HDAC9: variants seen among roughly 807,000 people sequenced by gnomAD.
HDAC9 encodes the protein histone deacetylase 9.
Under a neutral mutation model 139.4 loss-of-function variants are expected in HDAC9, and 41 were observed. That is an observed-to-expected ratio of 0.29 (90% confidence interval 0.23 to 0.38). HDAC9 has a LOEUF of 0.38. HDAC9 is among the 10% of genes least tolerant of loss of function. HDAC9 has a pLI of 1.00. For missense variants in HDAC9, 1,147 were observed against 1,297.0 expected, an observed-to-expected ratio of 0.88 and a Z score of 1.78; for synonymous variants, 517 against 476.2, an observed-to-expected ratio of 1.09 and a Z score of -1.12.
intron 1 of HDAC9, among the ~76,000 whole-genome samples, chr7:18,319,975 G>T (rs17261081): frequency 0.042 from 6,391 of 152,194 alleles, 173 homozygotes; most frequent in Non-Finnish European, 0.064. Flanking sequence ...CCAATTTTCA[G>T]GTCCAAATGT....
rs769801652 is a variant in HDAC9, at chr7:18,954,200, A to G, written c.2992A>G (p.Ile998Val). The change falls in exon 24 of 26, where the codon ATT becomes GTT. Residue 998 changes from isoleucine (I) to valine (V), a missense_variant. Ile to Val is a conservative substitution (Grantham distance 29). This residue lies in a region of HDAC9 where 407 missense variants were observed against 521.5 expected (regional missense o/e 0.78). Transcript: ENST00000686413. Reference sequence around the variant, plus strand: ...CCAAAGCCCGAATATGAATGCTGTTATTTCTTTACAGAAGATCATTGAAAT... The same window carrying G: ...CCAAAGCCCGAATATGAATGCTGTTGTTTCTTTACAGAAGATCATTGAAAT... ...LHQSPNMNAV[I>V]SLQKIIEIQS... 1.3e-6 allele frequency: 2 copies of G among 1,559,142 alleles called. No homozygotes were observed. Among genetic ancestry groups the G allele is most frequent in the South Asian group, 2.3e-5 (2 of 85,718 alleles).
At chr7:18,634,776 C>T (rs1783382813) in intron 8 of HDAC9, 34 bp downstream of exon 8, 1 of 1,323,912 alleles carries the variant, frequency 7.6e-7, no homozygotes, top group Non-Finnish European at 1.1e-6. Flanking sequence ...CTTTTAAAAA[C>T]TGAATTTCTG....
chr7:18,332,549 A>G (rs1446142357), intron 1 of HDAC9, among the ~76,000 whole-genome samples: 1 of 151,630 alleles, frequency 6.6e-6, no homozygotes, highest in Non-Finnish European at 1.5e-5. Flanking sequence ...GAGGGGATGC[A>G]TTGGAAGGGA....
chr7:18,449,286 A>G (rs1651302579), intron 1 of HDAC9, among the ~76,000 whole-genome samples: 2 of 152,184 alleles, frequency 1.3e-5, no homozygotes, highest in South Asian at 4.1e-4. Context: ...ACCATACAGC[A>G]ATGAAAAAGA....
intron 17 of HDAC9, among the ~76,000 whole-genome samples, chr7:18,806,531 C>G (rs1033746317): frequency 3.9e-5 from 6 of 152,148 alleles, no homozygotes; most frequent in African/African-American, 7.2e-5. Flanking sequence ...TTTTTCTAAC[C>G]CTTTCTGTCA....
chr7:18,728,448 AAG>A (rs1785743174), intron 13 of HDAC9, among the ~76,000 whole-genome samples: 1 of 135,364 alleles, frequency 7.4e-6, no homozygotes, highest in African/African-American at 2.7e-5. Context: ...CACACACACA[AAG>A]GGTGCTATTC....
chr7:18,923,830 A>G (rs919314164), intron 22 of HDAC9, among the ~76,000 whole-genome samples: 1 of 152,122 alleles, frequency 6.6e-6, no homozygotes, highest in Non-Finnish European at 1.5e-5. Flanking sequence ...CAAGATAAAA[A>G]CAATGATCCA....
intron 2 of HDAC9, among the ~76,000 whole-genome samples, chr7:18,564,251 AT>A (rs1211673203): frequency 6.6e-6 from 1 of 152,060 alleles, no homozygotes; most frequent in African/African-American, 2.4e-5. Flanking sequence ...AAAAAAAAAA[AT>A]TGTCCATGGC....
intron 1 of HDAC9, among the ~76,000 whole-genome samples, chr7:18,467,309 C>A (rs757059540): frequency 1.3e-5 from 2 of 152,112 alleles, no homozygotes; most frequent in Non-Finnish European, 2.9e-5. Flanking sequence ...CAGTCATTGA[C>A]CTATTAATGC....
chr7:18,817,038 G>GT (rs11308990), intron 17 of HDAC9, among the ~76,000 whole-genome samples: 1,632 of 140,388 alleles, frequency 0.012, 8 homozygotes, highest in Non-Finnish European at 0.013. Flanking sequence ...GAAGTTTTTT[G>GT]TTTTTTTTTT....
intron 1 of HDAC9, among the ~76,000 whole-genome samples, chr7:18,136,806 T>C (rs1384766125): frequency 1.3e-5 from 2 of 151,636 alleles, no homozygotes; most frequent in East Asian, 3.9e-4. Flanking sequence ...TGGTTCCATA[T>C]GAACTTTAAA....
intron 1 of HDAC9, among the ~76,000 whole-genome samples, chr7:18,155,387 C>T (rs994034263): frequency 4.6e-5 from 7 of 152,050 alleles, no homozygotes; most frequent in Non-Finnish European, 8.8e-5. Flanking sequence ...AGGCTTACTA[C>T]GAAAAGGTCT....
intron 21 of HDAC9, among the ~76,000 whole-genome samples, chr7:18,850,727 G>A (rs2129223493): frequency 6.6e-6 from 1 of 152,280 alleles, no homozygotes; most frequent in Non-Finnish European, 1.5e-5. Flanking sequence ...ATCATGGACT[G>A]GATGGCCCAT....
At chr7:18,924,240 A>G (rs891606965) in intron 22 of HDAC9, among the ~76,000 whole-genome samples, 2 of 152,112 alleles carry the variant, frequency 1.3e-5, no homozygotes, top group Admixed American at 1.3e-4. Flanking sequence ...AAGTATTTCT[A>G]TTAAATGGTG....
intron 1 of HDAC9, among the ~76,000 whole-genome samples, chr7:18,409,741 A>C (rs1271148933): frequency 2.0e-5 from 3 of 152,216 alleles, no homozygotes; most frequent in Non-Finnish European, 4.4e-5. Context: ...TAATGAACTA[A>C]ATTTTGGAAA....
intron 2 of HDAC9, among the ~76,000 whole-genome samples, chr7:18,218,712 T>G (rs1367307349): frequency 6.6e-6 from 1 of 152,178 alleles, no homozygotes; most frequent in African/African-American, 2.4e-5. Flanking sequence ...CCATAAACAT[T>G]TCTTATATTA....
chr7:18,163,529 A>G (rs1476059906), intron 2 of HDAC9, among the ~76,000 whole-genome samples: 1 of 152,152 alleles, frequency 6.6e-6, no homozygotes. Context: ...GATTTTTACA[A>G]GTTCCCTTGA....
chr7:18,496,202 G>A, intron 1 of HDAC9, 60 bp from the exon 2 acceptor site: 4 of 1,568,352 alleles, frequency 2.6e-6, no homozygotes, highest in Non-Finnish European at 3.5e-6. Flanking sequence ...TGTAGCTGAA[G>A]TAAGAGTGAC....
chr7:18,644,606 G>A (rs1395484259), intron 8 of HDAC9, 65 bp from the exon 9 acceptor site: 1 of 1,418,172 alleles, frequency 7.1e-7, no homozygotes, highest in African/African-American at 1.4e-5. Flanking sequence ...TTTCTGAAAT[G>A]AGAACATTTT....
Sources: allele counts gnomAD v4.1 joint callset (sites outside exome capture counted in the v4.1 genomes callset), GRCh38; gene constraint gnomAD v4.1.1; regional missense constraint gnomAD v4.1.1; transcripts MANE v1.5; gene names NCBI Gene and HGNC (gene_info 2026-07-23, HGNC 2026-07-21).